AR: variants seen among roughly 807,000 people sequenced by gnomAD.
AR encodes the protein androgen receptor.
Under a neutral mutation model 53.9 loss-of-function variants are expected in AR, and 8 were observed. The ratio of observed to expected loss-of-function variants is 0.15; its 90% CI spans 0.09 to 0.27. The LOEUF is 0.27. AR is among the 10% of genes least tolerant of loss of function. The pLI, the probability that AR is intolerant of heterozygous loss-of-function variation, is 1.00. For synonymous variants in AR, 359 were observed against 316.4 expected, an observed-to-expected ratio of 1.13 and a Z score of -1.43; for missense variants, 639 against 742.5, an observed-to-expected ratio of 0.86 and a Z score of 1.62.
chrX:67,676,084 A>C (rs919632939), intron 2 of AR, among the ~76,000 whole-genome samples: 1 of 112,165 alleles, frequency 8.9e-6, no homozygotes, highest in Non-Finnish European at 1.9e-5. Flanking sequence ...CACTATAGAA[A>C]ATGACAAAAT....
intron 2 of AR, among the ~76,000 whole-genome samples, chrX:67,663,467 G>C (rs929066729): frequency 2.7e-5 from 3 of 112,235 alleles, no homozygotes; most frequent in African/African-American, 9.7e-5. Context: ...CTCTCTTCTG[G>C]CTTGTAGAGT....
chrX:67,722,930 A>G lies in AR; in HGVS notation c.2553A>G (p.Thr851=), dbSNP rs1364222754. 8.3e-7 allele frequency: 1 copy of G among 1,211,166 alleles called. No homozygotes were observed. Among genetic ancestry groups the G allele is most frequent in the Non-Finnish European group, 1.1e-6 (1 of 895,265 alleles). Residue 851 remains threonine (T), a synonymous_variant, in exon 7 of 8, where the codon ACA becomes ACG. Coordinates refer to ENST00000374690, the MANE Select transcript of AR (RefSeq NM_000044.6). ...TTGCATGCAAAAGAAAAAATCCCAC[A>G]TCCTGCTCAAGACGCTTCTACCAGC... is the stretch of plus-strand genomic sequence containing the variant. ...RIIACKRKNP[T]SCSRRFYQLT... is the part of the protein sequence containing the mutation.
intron 2 of AR, among the ~76,000 whole-genome samples, chrX:67,648,913 C>T (rs890713749): frequency 1.8e-5 from 2 of 111,711 alleles, no homozygotes; most frequent in Non-Finnish European, 1.9e-5. Context: ...CTGTGATACA[C>T]GTTCAGAATA....
intron 2 of AR, among the ~76,000 whole-genome samples, chrX:67,664,551 T>C (rs926976984): frequency 1.8e-5 from 2 of 112,260 alleles, no homozygotes; most frequent in African/African-American, 6.5e-5. Flanking sequence ...CCAGTTAGGC[T>C]ACTCGGGGTT....
At position 67,546,178 on chromosome X, in the gene AR, C is replaced by T. The variant is rs1476483804; in HGVS notation, c.1032C>T (p.Thr344=). Residue 344 remains threonine, a synonymous_variant, in exon 1 of 8, where the codon ACC becomes ACT. Coordinates refer to ENST00000374690, the MANE Select transcript of AR (RefSeq NM_000044.6). ...GSSGTLELPS[T]LSLYKSGALD... ...CCGGGACACTTGAACTGCCGTCTAC[C>T]CTGTCTCTCTACAAGTCCGGAGCAC... 8.2e-7 allele frequency: 1 copy of T among 1,212,158 alleles called. No homozygotes were observed. Among genetic ancestry groups the T allele is most frequent in the Non-Finnish European group, 1.1e-6 (1 of 895,602 alleles).
chrX:67,700,877 G>A (rs776640769), intron 3 of AR, among the ~76,000 whole-genome samples: 2 of 112,096 alleles, frequency 1.8e-5, no homozygotes, highest in African/African-American at 3.2e-5. Context: ...ATATCTCACT[G>A]ATCTCACTGT....
chrX:67,723,408 A>G (rs948697529), intron 7 of AR, among the ~76,000 whole-genome samples: 1 of 100,501 alleles, frequency 1.0e-5, no homozygotes, highest in Non-Finnish European at 2.0e-5. Context: ...GTGAGAGCAC[A>G]AGCTGGAGAA....
At chrX:67,649,006 T>C (rs958694398) in intron 2 of AR, among the ~76,000 whole-genome samples, 1 of 111,818 alleles carries the variant, frequency 8.9e-6, no homozygotes, top group Non-Finnish European at 1.9e-5. Flanking sequence ...GTATTTCTCC[T>C]AATGCTATCC....
chrX:67,634,145 G>A (rs1208589043), intron 1 of AR, among the ~76,000 whole-genome samples: 1 of 111,499 alleles, frequency 9.0e-6, no homozygotes, highest in Non-Finnish European at 1.9e-5. Context: ...TGGAGTAAGG[G>A]TGGGGAAATA....
At chrX:67,558,719 C>T (rs767784041) in intron 1 of AR, among the ~76,000 whole-genome samples, 2 of 111,942 alleles carry the variant, frequency 1.8e-5, no homozygotes, top group African/African-American at 3.2e-5. Flanking sequence ...GGTTGATCTC[C>T]GACTGCTACA....
intron 4 of AR, among the ~76,000 whole-genome samples, chrX:67,715,662 C>G (rs1442775317): frequency 8.9e-6 from 1 of 111,930 alleles, no homozygotes; most frequent in Non-Finnish European, 1.9e-5. Flanking sequence ...ATTAGTTCAG[C>G]CACATATAAA....
At chrX:67,661,042 G>A (rs1483954010) in intron 2 of AR, among the ~76,000 whole-genome samples, 1 of 111,763 alleles carries the variant, frequency 8.9e-6, no homozygotes, top group Non-Finnish European at 1.9e-5. Flanking sequence ...AAGAATGCTT[G>A]TGATTTTTGC....
chrX:67,680,053 T>C (rs1450094720), intron 2 of AR, among the ~76,000 whole-genome samples: 1 of 112,410 alleles, frequency 8.9e-6, no homozygotes, highest in Non-Finnish European at 1.9e-5. Flanking sequence ...TAAATTGACA[T>C]ATTTAATCCA....
At chrX:67,598,663 C>A (rs980856355) in intron 1 of AR, among the ~76,000 whole-genome samples, 1 of 111,220 alleles carries the variant, frequency 9.0e-6, no homozygotes, top group African/African-American at 3.3e-5. Flanking sequence ...ATAAGGGTAC[C>A]TATTTGCCTT....
At position 67,578,737 on chromosome X, in the gene AR, A is replaced by G. The variant is rs544837890; in HGVS notation, c.1616+31975A>G. 4.0e-4 allele frequency among the ~76,000 whole-genome samples: 45 copies of G among 112,066 alleles called. No homozygotes were observed. The South Asian group carries it at 0.017, about 42-fold the overall frequency. On this transcript the variant is annotated intron_variant, in intron 1 of 7. Coordinates refer to ENST00000374690, the MANE Select transcript of AR (RefSeq NM_000044.6). The stretch of plus-strand genomic sequence containing the variant: ...TGAGCACAGGGCAACTGGGTTTTTG[A>G]AACTGCACATTACTGTTGCAGTCAA...
At chrX:67,696,627 G>A (rs2076021831) in intron 3 of AR, among the ~76,000 whole-genome samples, 1 of 111,854 alleles carries the variant, frequency 8.9e-6, no homozygotes, top group Non-Finnish European at 1.9e-5. Flanking sequence ...GGGGCTGGGA[G>A]GGGATTGGAG....
At chrX:67,718,635 C>T (rs2076123163) in intron 5 of AR, among the ~76,000 whole-genome samples, 1 of 110,704 alleles carries the variant, frequency 9.0e-6, no homozygotes. Context: ...AATAGTGATA[C>T]ATTTTTTTTC....
chrX:67,634,456 T>A (rs1051105201), intron 1 of AR, among the ~76,000 whole-genome samples: 20 of 111,843 alleles, frequency 1.8e-4, no homozygotes, highest in Non-Finnish European at 3.6e-4. Flanking sequence ...CCATTTTACA[T>A]GTAAATAAAT....
intron 3 of AR, among the ~76,000 whole-genome samples, chrX:67,687,277 G>A (rs1453354483): frequency 1.8e-5 from 2 of 111,810 alleles, no homozygotes; most frequent in African/African-American, 3.3e-5. Context: ...CTGGAGCAGG[G>A]CCATGTGTGG....
Sources: allele counts gnomAD v4.1 joint callset (sites outside exome capture counted in the v4.1 genomes callset), GRCh38; gene constraint gnomAD v4.1.1; transcripts MANE v1.5; gene names NCBI Gene and HGNC (gene_info 2026-07-23, HGNC 2026-07-21).